The following FAF1 variants were observed in gnomAD, a reference collection of about 807,000 sequenced individuals.
FAF1 encodes the protein Fas associated factor 1.
In FAF1, 25 loss-of-function variants were observed where a neutral mutation model predicts 92.5. That is an observed-to-expected ratio of 0.27 (90% CI 0.20 to 0.38). FAF1 has a LOEUF of 0.38. FAF1 is among the 10% of genes least tolerant of loss of function. The pLI is 1.00. For missense variants in FAF1, 636 were observed against 793.3 expected (o/e 0.80, Z 2.38); for synonymous variants, 234 against 273.2 (o/e 0.86, Z 1.42).
intron 7 of FAF1, among the ~76,000 whole-genome samples, chr1:50,702,019 T>G (rs1382564430): frequency 6.6e-6 from 1 of 152,112 alleles, no homozygotes; most frequent in Non-Finnish European, 1.5e-5. Flanking sequence ...ATACTTAGGT[T>G]TCTTATTGTT....
At position 50,857,926 on chromosome 1, in the gene FAF1, T is replaced by C; in HGVS notation, c.114+3A>G. On this transcript the variant is annotated splice_donor_region_variant and intron_variant, in intron 2 of 18. Transcript: ENST00000396153. The stretch of plus-strand genomic sequence containing the variant: ...CTCATCAGAGAAAGAAAAAAGTACT[T>C]ACCACTAAGTCCCAATTATTTTGTT... 1.3e-6 allele frequency: 2 copies of C among 1,574,718 alleles called. No individual in the cohort carries two copies. Among genetic ancestry groups the C allele is most frequent in the Non-Finnish European group, 1.7e-6 (2 of 1,157,742 alleles).
intron 17 of FAF1, among the ~76,000 whole-genome samples, chr1:50,478,741 T>C (rs1256322777): frequency 1.3e-5 from 2 of 152,252 alleles, no homozygotes; most frequent in African/African-American, 4.8e-5. Context: ...ATCACCCAGA[T>C]ACTCTTCCTT....
At chr1:50,558,500 C>T (rs890964733) in intron 13 of FAF1, among the ~76,000 whole-genome samples, 11 of 152,112 alleles carry the variant, frequency 7.2e-5, no homozygotes, top group Admixed American at 7.2e-4. Context: ...TCTTTTAATT[C>T]TGTGACTCTC....
At chr1:50,955,294 A>AG (rs1645256645) in intron 1 of FAF1, among the ~76,000 whole-genome samples, 1 of 152,230 alleles carries the variant, frequency 6.6e-6, no homozygotes, top group Non-Finnish European at 1.5e-5. Context: ...TAAAGGAGGT[A>AG]GGGGGAACTT....
chr1:50,450,398 G>C (rs1365824782), intron 18 of FAF1, among the ~76,000 whole-genome samples: 1 of 152,186 alleles, frequency 6.6e-6, no homozygotes, highest in Non-Finnish European at 1.5e-5. Context: ...GAGAAGGCCA[G>C]AATTGTACCC....
chr1:50,743,754 T>G (rs1659480655), intron 5 of FAF1, among the ~76,000 whole-genome samples: 1 of 152,154 alleles, frequency 6.6e-6, no homozygotes, highest in Non-Finnish European at 1.5e-5. Context: ...TTTTTCCTTC[T>G]TTCTCCACTC....
chr1:50,696,651 C>T (rs878969343), intron 7 of FAF1, among the ~76,000 whole-genome samples: 4 of 152,166 alleles, frequency 2.6e-5, no homozygotes, highest in Non-Finnish European at 5.9e-5. Flanking sequence ...TAAAACTGTA[C>T]TGGCATTTTT....
chr1:50,772,527 G>A (rs1220314599), intron 4 of FAF1, among the ~76,000 whole-genome samples: 1 of 152,150 alleles, frequency 6.6e-6, no homozygotes, highest in Admixed American at 6.5e-5. Context: ...CATAAAAAAA[G>A]AATGAGATCA....
chr1:50,836,243 T>C (rs1030447873), intron 2 of FAF1, among the ~76,000 whole-genome samples: 1 of 147,486 alleles, frequency 6.8e-6, no homozygotes, highest in Non-Finnish European at 1.5e-5. Flanking sequence ...TGATCATAGC[T>C]CACTTTAACT....
chr1:50,653,937 G>A (rs112500419), intron 8 of FAF1, among the ~76,000 whole-genome samples: 2 of 152,018 alleles, frequency 1.3e-5, no homozygotes, highest in African/African-American at 4.8e-5. Context: ...CAAAGTGCTG[G>A]GATTACAGGT....
chr1:50,644,845 T>C (rs1654512297), intron 8 of FAF1, among the ~76,000 whole-genome samples: 1 of 152,166 alleles, frequency 6.6e-6, no homozygotes. Context: ...TAAACTGAAA[T>C]CAAGACCCAC....
Position 50,744,692 on chromosome 1 carries a change from C to T in FAF1, c.451G>A (p.Glu151Lys). The T allele has an allele frequency of 1.3e-6, 2 of 1,599,560 alleles. No individual in the cohort carries two copies. The highest frequency in any genetic ancestry group is 2.2e-5 in the South Asian group (2 of 89,584). ...LLKGWKTGDV[E>K]DSTVLKSLHL... The stretch of plus-strand genomic sequence containing the variant: ...GCAATTAAGAAACTCACACTGTCTT[C>T]CACATCTCCCGTCTTCCAGCCTTTT... Residue 151 changes from glutamate to lysine, a missense_variant, in exon 5 of 19, where the codon GAA becomes AAA. Glu to Lys is a moderately conservative substitution (Grantham distance 56). Around this residue, in one of 2 missense-constraint regions of FAF1, gnomAD observed 317 missense variants for 342.4 expected, o/e 0.93. Coordinates refer to ENST00000396153, the MANE Select transcript of FAF1 (RefSeq NM_007051.3).
intron 2 of FAF1, among the ~76,000 whole-genome samples, chr1:50,838,458 G>A (rs1174183861): frequency 1.3e-5 from 2 of 148,354 alleles, no homozygotes; most frequent in African/African-American, 2.5e-5. Context: ...ATGTAAAATT[G>A]TAAATTACAA....
intron 2 of FAF1, among the ~76,000 whole-genome samples, chr1:50,836,067 A>G (rs1644198318): frequency 6.6e-6 from 1 of 151,788 alleles, no homozygotes. Context: ...AATACCACCT[A>G]TCTCATCTAT....
chr1:50,809,900 A>G (rs1024688960), intron 2 of FAF1, among the ~76,000 whole-genome samples: 22 of 152,244 alleles, frequency 1.4e-4, no homozygotes, highest in African/African-American at 5.1e-4. Flanking sequence ...ATTCAGCAGC[A>G]TATCCAAAAG....
At chr1:50,889,771 T>C (rs113587257) in intron 1 of FAF1, among the ~76,000 whole-genome samples, 17 of 152,140 alleles carry the variant, frequency 1.1e-4, no homozygotes, top group South Asian at 4.2e-4. Flanking sequence ...TGCTGAGGAG[T>C]GCTTTACTTC....
At chr1:50,582,173 C>T (rs868330122) in intron 12 of FAF1, among the ~76,000 whole-genome samples, 7 of 152,034 alleles carry the variant, frequency 4.6e-5, no homozygotes, top group Non-Finnish European at 1.0e-4. Flanking sequence ...TAGTCATTTG[C>T]GTAACTGAAA....
In FAF1 at chr1:50,567,118, T is replaced by C; in HGVS notation, c.1227A>G (p.Ile409Met). ...CCTTTGTCAGATCCCAAGCCCAGGTTATAAAATTTTGACTCAGATAAGAAA... is the reference window on the plus strand; with the variant it reads ...CCTTTGTCAGATCCCAAGCCCAGGTCATAAAATTTTGACTCAGATAAGAAA... ...SIVSYLSQNFITWAWDLTKDS... is the reference protein window; with the variant it reads ...SIVSYLSQNFMTWAWDLTKDS... Residue 409 changes from isoleucine to methionine, a missense_variant, in exon 13 of 19, where the codon ATA (isoleucine) becomes ATG (methionine). This residue lies in a region of FAF1 where 319 missense variants were observed against 451.0 expected (regional missense o/e 0.71). Transcript: ENST00000396153. The C allele has an allele frequency of 1.9e-6, 3 of 1,610,006 alleles. No individual in the cohort carries two copies. The Middle Eastern group carries it at 5.0e-4, about 266-fold the overall frequency.
chr1:50,700,589 AT>A (rs1657425484), intron 7 of FAF1, among the ~76,000 whole-genome samples: 1 of 152,138 alleles, frequency 6.6e-6, no homozygotes, highest in Non-Finnish European at 1.5e-5. Context: ...TTTCTTGCAT[AT>A]AAAAAAATCT....
Sources: gnomAD v4.1 joint callset for allele counts (sites outside exome capture counted in the v4.1 genomes callset) on GRCh38, gnomAD v4.1.1 for gene constraint, gnomAD v4.1.1 regional missense constraint, MANE v1.5 for transcripts, NCBI Gene and HGNC (gene_info 2026-07-23, HGNC 2026-07-21) for gene names.